Variants in SLC26A4 observed in about 807,000 individuals in gnomAD.
The protein encoded by SLC26A4 is solute carrier family 26 member 4, also known as pendrin.
SLC26A4 carries 93 observed loss-of-function variants against 90.4 expected under a neutral mutation model. The ratio of observed to expected loss-of-function variants is 1.03; its 90% CI spans 0.87 to 1.22. The LOEUF is 1.22. SLC26A4 is among the 50% of genes most tolerant of loss of function. The pLI, the probability that SLC26A4 is intolerant of heterozygous loss-of-function variation, is 0.00. For synonymous variants in SLC26A4, 393 were observed against 354.6 expected, an observed-to-expected ratio of 1.11 and a Z score of -1.22; for missense variants, 1,127 against 946.2, an observed-to-expected ratio of 1.19 and a Z score of -2.51.
At chr7:107,701,435 G>A (rs1286165488) in intron 16 of SLC26A4, among the ~76,000 whole-genome samples, 4 of 152,158 alleles carry the variant, frequency 2.6e-5, no homozygotes, top group South Asian at 2.1e-4. Context: ...ACCATGAACA[G>A]TGTCTGCATT....
chr7:107,660,861 T>C lies in SLC26A4; in HGVS notation c.-4+6T>C, dbSNP rs2129308424. The C allele has an allele frequency of 6.6e-6, 1 of 152,102 alleles. No homozygotes were observed. The highest frequency in any genetic ancestry group is 3.4e-3 in the Middle Eastern group (1 of 294). The allele number at this position is 152,102 out of a possible 1,614,324, so 9.4% of individuals were successfully genotyped here. On this transcript the variant is annotated splice_donor_region_variant and intron_variant, in intron 1 of 20. Coordinates refer to ENST00000644269, the MANE Select transcript of SLC26A4 (RefSeq NM_000441.2). ...CGGGGCGCGAGCAGAGACAGGTGAG[T>C]TCGCCCTGAAGATGCCCACACCGCC...
At chr7:107,686,139 A>C (rs1340632094) in intron 8 of SLC26A4, among the ~76,000 whole-genome samples, 1 of 151,210 alleles carries the variant, frequency 6.6e-6, no homozygotes, top group Admixed American at 6.6e-5. Flanking sequence ...ACCCATAACA[A>C]GATTGACGGC....
In SLC26A4 at chr7:107,702,059, T is replaced by A; in HGVS notation, c.2034+2T>A. On this transcript the variant is annotated splice_donor_variant, in intron 17 of 20. Coordinates refer to ENST00000644269, the MANE Select transcript of SLC26A4 (RefSeq NM_000441.2). LOFTEE classifies it high-confidence loss of function. ...GTTGGAGTGAGATCACTGCGGGTGG[T>A]AAGGTTCTGGTTTTCTGAATTATAC... is the stretch of plus-strand genomic sequence containing the variant. 1 of 1,593,908 alleles carries A rather than the reference T, an allele frequency of 6.3e-7. No homozygotes were observed. The highest frequency in any genetic ancestry group is 1.3e-5 in the African/African-American group (1 of 74,616).
Position 107,694,631 on chromosome 7 carries a change from C to T in SLC26A4, c.1352C>T (p.Ala451Val). 6.2e-7 allele frequency: 1 copy of T among 1,612,364 alleles called. No homozygotes were observed. The highest frequency in any genetic ancestry group is 8.5e-7 in the Non-Finnish European group (1 of 1,178,396). Residue 451 changes from alanine (A) to valine (V), a missense_variant, in exon 12 of 21, where the codon GCA becomes GTA. Transcript: ENST00000644269. ...LLEPLQKSVLAAVVIANLKGM... is the reference protein window; with the variant it reads ...LLEPLQKSVLVAVVIANLKGM... Reference sequence around the variant, plus strand: ...TGTCTCTCTTGGCAGTCGGTCTTGGCAGCTGTTGTAATTGCCAACCTGAAA... The same window carrying T: ...TGTCTCTCTTGGCAGTCGGTCTTGGTAGCTGTTGTAATTGCCAACCTGAAA...
At chr7:107,674,573 G>A (rs2129311837) in intron 5 of SLC26A4, among the ~76,000 whole-genome samples, 1 of 152,250 alleles carries the variant, frequency 6.6e-6, no homozygotes, top group South Asian at 2.1e-4. Flanking sequence ...AAAAAGCACA[G>A]AAGAACATGT....
In SLC26A4 at chr7:107,712,534, T is replaced by C; in HGVS notation, c.2236-5T>C. The C allele has an allele frequency of 6.7e-7, 1 of 1,495,278 alleles. No homozygotes were observed. The highest frequency in any genetic ancestry group is 9.3e-7 in the Non-Finnish European group (1 of 1,071,802). 92.6% of individuals were successfully genotyped at this position (1,495,278 alleles called of 1,614,324 possible). The stretch of plus-strand genomic sequence containing the variant: ...CTATTTCTACCCTGTGTTCTCTTTT[T>C]CAAGATCACTCTCATTCAGGATTGT... On this transcript the variant is annotated splice_region_variant and splice_polypyrimidine_tract_variant and intron_variant, in intron 19 of 20. Transcript: ENST00000644269.
chr7:107,679,602 A>C (rs898061414), intron 6 of SLC26A4, among the ~76,000 whole-genome samples: 1 of 151,732 alleles, frequency 6.6e-6, no homozygotes, highest in African/African-American at 2.4e-5. Context: ...TTTTCCAAAC[A>C]CAGCAGGAAA....
chr7:107,712,966 C>A (rs1022063825), intron 20 of SLC26A4, among the ~76,000 whole-genome samples: 1 of 152,172 alleles, frequency 6.6e-6, no homozygotes, highest in Non-Finnish European at 1.5e-5. Context: ...AAGCTAGGAA[C>A]TTTATAAGCC....
In SLC26A4 at chr7:107,715,750, G is replaced by A; in HGVS notation, c.*304G>A. ...GTGGGCCCTGGCATATCTCTGTTCA[G>A]TTAGAGTGAGTGCTGACCCAACAGC... is the stretch of plus-strand genomic sequence containing the variant. On this transcript the variant is annotated 3_prime_UTR_variant, in exon 21 of 21. Coordinates refer to ENST00000644269, the MANE Select transcript of SLC26A4 (RefSeq NM_000441.2). 1 of 455,382 alleles carries A rather than the reference G, an allele frequency of 2.2e-6. No individual in the cohort carries two copies. Among genetic ancestry groups the A allele is most frequent in the East Asian group, 3.9e-5 (1 of 25,726 alleles). The allele number at this position is 455,382 out of a possible 1,614,324, so 28.2% of individuals were successfully genotyped here.
At chr7:107,702,535 C>CA (rs1791925672) in intron 17 of SLC26A4, among the ~76,000 whole-genome samples, 1 of 151,892 alleles carries the variant, frequency 6.6e-6, no homozygotes, top group African/African-American at 2.4e-5. Context: ...ACCAAAAATA[C>CA]AAAAATTAGC....
chr7:107,713,591 T>C (rs1792254371), intron 20 of SLC26A4, among the ~76,000 whole-genome samples: 1 of 152,210 alleles, frequency 6.6e-6, no homozygotes. Flanking sequence ...CTGGTCACGA[T>C]GGGGACACAA....
intron 3 of SLC26A4, among the ~76,000 whole-genome samples, chr7:107,671,159 A>C (rs1394019118): frequency 1.3e-5 from 2 of 152,090 alleles, no homozygotes; most frequent in African/African-American, 4.8e-5. Flanking sequence ...GAATTGACCA[A>C]AACTTTTTTT....
At chr7:107,666,070 A>C (rs1473208703) in intron 3 of SLC26A4, among the ~76,000 whole-genome samples, 3 of 152,224 alleles carry the variant, frequency 2.0e-5, no homozygotes, top group Non-Finnish European at 2.9e-5. Context: ...TAACAGGCAC[A>C]GGTGCTGACT....
intron 20 of SLC26A4, 144 bp from the exon 21 acceptor site, chr7:107,715,279 A>G: frequency 1.3e-6 from 1 of 757,292 alleles, no homozygotes; most frequent in South Asian, 1.5e-5. Context: ...TGAAGTTTTT[A>G]CCCTATTTCT....
chr7:107,669,302 G>A (rs73724565), intron 3 of SLC26A4, among the ~76,000 whole-genome samples: 2,481 of 152,154 alleles, frequency 0.016, 73 homozygotes, highest in African/African-American at 0.057. Context: ...GTTGTACCAA[G>A]TTTCTTTATA....
Position 107,690,200 on chromosome 7 carries a change from G to A in SLC26A4, c.1226G>A (p.Arg409His), listed in dbSNP as rs111033305. The change falls in exon 10 of 21, where the codon CGC becomes CAC. Residue 409 changes from arginine to histidine, a missense_variant. By Grantham distance (29) the Arg-to-His change is conservative. Transcript: ENST00000644269. Reference protein sequence around the residue: ...SCFVATTALSRTAVQESTGGK... With the variant: ...SCFVATTALSHTAVQESTGGK... ...TTTGTGGCCACCACTGCTCTTTCCC[G>A]CACGGCCGTCCAGGAGAGCACTGGA... 7.9e-5 allele frequency: 127 copies of A among 1,611,858 alleles called. No homozygotes were observed. The highest frequency in any genetic ancestry group is 2.2e-4 in the Admixed American group (13 of 59,934).
chr7:107,688,697 A>G (rs1021096976), intron 8 of SLC26A4, among the ~76,000 whole-genome samples: 1 of 152,202 alleles, frequency 6.6e-6, no homozygotes, highest in Non-Finnish European at 1.5e-5. Flanking sequence ...AATTCAAAGA[A>G]CTTTAAGATG....
At chr7:107,708,691 T>TTA (rs1048371261) in intron 18 of SLC26A4, among the ~76,000 whole-genome samples, 2 of 151,522 alleles carry the variant, frequency 1.3e-5, no homozygotes, top group Non-Finnish European at 2.9e-5. Flanking sequence ...CCGTCTCTAT[T>TTA]ATTTTTTTTT....
chr7:107,675,426 G>C (rs564428592), intron 6 of SLC26A4, among the ~76,000 whole-genome samples: 6 of 151,854 alleles, frequency 4.0e-5, no homozygotes, highest in East Asian at 3.9e-4. Context: ...AAGATCTCCT[G>C]AGCCCTGGAG....
Sources: allele counts gnomAD v4.1 joint callset (sites outside exome capture counted in the v4.1 genomes callset), GRCh38; gene constraint gnomAD v4.1.1; transcripts MANE v1.5; gene names NCBI Gene and HGNC (gene_info 2026-07-23, HGNC 2026-07-21).